Variants in SLC66A2 observed in about 807,000 individuals in gnomAD.
SLC66A2 encodes solute carrier family 66 member 2.
In SLC66A2, 23 loss-of-function variants were observed where a neutral mutation model predicts 25.5. The ratio of observed to expected loss-of-function variants is 0.90; its 90% confidence interval spans 0.65 to 1.28. The LOEUF (loss-of-function observed/expected upper bound fraction) is 1.28. Ranked by LOEUF, SLC66A2 falls within the 50% of genes most tolerant of loss-of-function variation. The pLI is 0.00. For missense variants in SLC66A2, 396 were observed against 373.1 expected (o/e 1.06, Z -0.51); for synonymous variants, 193 against 166.5 (o/e 1.16, Z -1.23).
intron 3 of SLC66A2, among the ~76,000 whole-genome samples, chr18:79,936,764 G>A (rs930915652): frequency 2.0e-5 from 3 of 152,200 alleles, no homozygotes; most frequent in South Asian, 2.1e-4. Context: ...GACAAGGTGC[G>A]TTTGTTTCCT....
rs1271239498 is a variant in SLC66A2, at chr18:79,902,924, A to C, written c.*1052T>G. 6.5e-6 allele frequency: 1 copy of C among 152,704 alleles called. No individual in the cohort carries two copies. The highest frequency in any genetic ancestry group is 2.4e-5 in the African/African-American group (1 of 41,468). The allele number at this position is 152,704 out of a possible 1,614,324, so 9.5% of individuals were successfully genotyped here. A position where few individuals can be genotyped will look rare whatever the true frequency, so the allele number is the denominator to read the frequency against. On this transcript the variant is annotated 3_prime_UTR_variant, in exon 6 of 6. Transcript: ENST00000397778. ...AGGGAGCCAGCACACGGGGGTGGGC[A>C]GTGGACAGGACAGGATGCGGCAGGC...
chr18:79,937,319 G>C lies in SLC66A2; in HGVS notation c.338-3297C>G, dbSNP rs191428672. 6.6e-6 allele frequency among the ~76,000 whole-genome samples: 1 copy of C among 152,076 alleles called. No individual in the cohort carries two copies. The highest frequency in any genetic ancestry group is 1.5e-5 in the Non-Finnish European group (1 of 68,010). On this transcript the variant is annotated intron_variant, in intron 3 of 5. Transcript: ENST00000397778. The surrounding 1 kb of genome is among the most constrained non-coding windows in gnomAD (Gnocchi z 5.4). ...GAAGCGAGACCCCTCATGCTGGGTC[G>C]AAAGGGCCCAGCAGCATCTGACGCG...
At chr18:79,921,649 AC>A (rs1419848976) in intron 4 of SLC66A2, among the ~76,000 whole-genome samples, 1 of 9,846 alleles carries the variant, frequency 1.0e-4, no homozygotes, top group African/African-American at 2.1e-4. Context: ...GTGAGGAGAG[AC>A]AGGAACCGAG....
chr18:79,933,855 T>C, intron 4 of SLC66A2, 114 bp downstream of exon 4: 2 of 894,718 alleles, frequency 2.2e-6, no homozygotes, highest in Non-Finnish European at 3.6e-6. Flanking sequence ...CGGCCACGCT[T>C]GGTAAAGATG....
At chr18:79,923,133 G>C (rs1212595456) in intron 4 of SLC66A2, among the ~76,000 whole-genome samples, 1 of 150,716 alleles carries the variant, frequency 6.6e-6, no homozygotes, top group Non-Finnish European at 1.5e-5. Context: ...AGCGGGGCGT[G>C]GGCTCATGTG....
Position 79,916,270 on chromosome 18 carries a change from C to T in SLC66A2, c.608+2914G>A, listed in dbSNP as rs574486894. ...GGTGCTCTCATAGCCGCAGTGCTCC[C>T]GTACCCGTGGTGCTCCCGTACCCGT... On this transcript the variant is annotated intron_variant, in intron 5 of 5. Transcript: ENST00000397778. 6.8e-5 allele frequency among the ~76,000 whole-genome samples: 10 copies of T among 147,778 alleles called. 1 individual carries two copies. Among genetic ancestry groups the T allele is most frequent in the African/African-American group, 1.7e-4 (7 of 40,088 alleles).
chr18:79,928,308 C>A (rs1299304029), intron 4 of SLC66A2, among the ~76,000 whole-genome samples: 4 of 152,232 alleles, frequency 2.6e-5, no homozygotes, highest in African/African-American at 7.2e-5. Flanking sequence ...CCATGACACA[C>A]CCCATGGAGA....
intron 5 of SLC66A2, among the ~76,000 whole-genome samples, chr18:79,907,100 C>A (rs1021371492): frequency 6.6e-6 from 1 of 152,164 alleles, no homozygotes; most frequent in Non-Finnish European, 1.5e-5. Context: ...GTAGCTGAGT[C>A]TTGTGTTTCT....
At chr18:79,912,586 A>G (rs1026557713) in intron 5 of SLC66A2, among the ~76,000 whole-genome samples, 3 of 152,134 alleles carry the variant, frequency 2.0e-5, no homozygotes, top group Admixed American at 6.5e-5. Context: ...AGGCAAGCCC[A>G]TGGAGATGGG....
chr18:79,946,095 G>A (rs2050916529), intron 2 of SLC66A2, among the ~76,000 whole-genome samples: 1 of 152,182 alleles, frequency 6.6e-6, no homozygotes, highest in Non-Finnish European at 1.5e-5. Flanking sequence ...GAGGAGGCGG[G>A]TGAATCAAGG....
chr18:79,911,776 A>G (rs993896119), intron 5 of SLC66A2, among the ~76,000 whole-genome samples: 2 of 139,460 alleles, frequency 1.4e-5, no homozygotes, highest in Non-Finnish European at 3.1e-5. Flanking sequence ...AAGGGACAGG[A>G]GCAGGGAGGA....
At chr18:79,914,456 T>C (rs1983687896) in intron 5 of SLC66A2, among the ~76,000 whole-genome samples, 1 of 150,344 alleles carries the variant, frequency 6.7e-6, no homozygotes, top group African/African-American at 2.5e-5. Flanking sequence ...AGATGGGGGG[T>C]GGTCTGACAG....
intron 5 of SLC66A2, among the ~76,000 whole-genome samples, chr18:79,910,997 C>T (rs1983028885): frequency 6.6e-6 from 1 of 152,260 alleles, no homozygotes; most frequent in African/African-American, 2.4e-5. Flanking sequence ...CCAGGTGTGG[C>T]AGGGGAAGGG....
intron 5 of SLC66A2, among the ~76,000 whole-genome samples, chr18:79,913,359 AG>A (rs1449432979): frequency 6.6e-6 from 1 of 152,248 alleles, no homozygotes; most frequent in Non-Finnish European, 1.5e-5. Context: ...AATCCTTGTC[AG>A]GGAACAGTCT....
chr18:79,912,191 CAG>C (rs1983330122), intron 5 of SLC66A2, among the ~76,000 whole-genome samples: 1 of 37,880 alleles, frequency 2.6e-5, no homozygotes, highest in Non-Finnish European at 7.7e-5. Context: ...GGACGGAAAA[CAG>C]GCTGGCAGCT....
intron 5 of SLC66A2, among the ~76,000 whole-genome samples, chr18:79,913,069 A>C (rs1312333955): frequency 1.3e-5 from 2 of 152,226 alleles, no homozygotes; most frequent in East Asian, 3.9e-4. Flanking sequence ...TCCTGGCTGG[A>C]CAGGGGCAGC....
At position 79,916,231 on chromosome 18, in the gene SLC66A2, A is replaced by G. The variant is rs187293693; in HGVS notation, c.608+2953T>C. 5.9e-4 allele frequency among the ~76,000 whole-genome samples: 38 copies of G among 64,650 alleles called. 6 individuals are homozygous for G. The highest frequency in any genetic ancestry group is 0.021 in the Middle Eastern group (2 of 94). The allele number at this position is 64,650 out of a possible 152,430, so 42.4% of individuals were successfully genotyped here. On this transcript the variant is annotated intron_variant, in intron 5 of 5. Coordinates refer to ENST00000397778, the MANE Select transcript of SLC66A2 (RefSeq NM_025078.5). Reference sequence around the variant, plus strand: ...CCCGCGGCGCTCTTGTACCTGCGGCACTCCCGTACCCGTGGTGCTCTCATA... The same window carrying G: ...CCCGCGGCGCTCTTGTACCTGCGGCGCTCCCGTACCCGTGGTGCTCTCATA...
chr18:79,931,495 C>CA (rs1986564786), intron 4 of SLC66A2, among the ~76,000 whole-genome samples: 1 of 152,036 alleles, frequency 6.6e-6, no homozygotes, highest in Admixed American at 6.6e-5. Flanking sequence ...ATACATCAAA[C>CA]AAAAACTGAC....
chr18:79,916,670 T>C (rs1358741154), intron 5 of SLC66A2, among the ~76,000 whole-genome samples: 2 of 152,268 alleles, frequency 1.3e-5, no homozygotes, highest in African/African-American at 2.4e-5. Flanking sequence ...AGCTCATCTG[T>C]GTGCCGTGAG....
Sources: gnomAD v4.1 joint callset for allele counts (sites outside exome capture counted in the v4.1 genomes callset) on GRCh38, gnomAD v4.1.1 for gene constraint, Gnocchi (gnomAD v3.1) non-coding constraint, MANE v1.5 for transcripts, NCBI Gene and HGNC (gene_info 2026-07-23, HGNC 2026-07-21) for gene names.